Variants in NFASC observed in about 807,000 individuals in gnomAD.
NFASC encodes neurofascin homolog.
A neutral mutation model predicts 147.5 loss-of-function variants in NFASC; 43 were observed. That is an observed-to-expected ratio of 0.29 (90% CI 0.23 to 0.38). NFASC has a LOEUF of 0.38. Ranked by LOEUF, NFASC falls within the 10% of genes least tolerant of loss-of-function variation. The pLI is 1.00. For synonymous variants in NFASC, 622 were observed against 665.5 expected (o/e 0.93, Z 1.01); for missense variants, 1,320 against 1,689.0 (o/e 0.78, Z 3.83).
chr1:205,003,096 A>G (rs1019829390), intron 27 of NFASC, among the ~76,000 whole-genome samples: 6 of 152,168 alleles, frequency 3.9e-5, no homozygotes, highest in African/African-American at 1.4e-4. Flanking sequence ...GCAGGAGAGT[A>G]GTGCAGCCTG....
chr1:204,846,089 G>A (rs1412731884), intron 1 of NFASC, among the ~76,000 whole-genome samples: 8 of 151,358 alleles, frequency 5.3e-5, no homozygotes, highest in Admixed American at 5.3e-4. Flanking sequence ...GGGCGCCGTG[G>A]CTCACACCTG....
At chr1:204,841,178 T>A (rs1430456671) in intron 1 of NFASC, among the ~76,000 whole-genome samples, 2 of 152,244 alleles carry the variant, frequency 1.3e-5, no homozygotes, top group Non-Finnish European at 2.9e-5. Flanking sequence ...CTGTCCTAGA[T>A]GCTTGACTTT....
rs1018378208 is a variant in NFASC, at chr1:204,950,445, G to T, written c.92-112G>T. 5.0e-6 allele frequency: 5 copies of T among 994,322 alleles called. No individual in the cohort carries two copies. In the South Asian group the frequency reaches 6.9e-5, roughly 14 times the overall value. 61.6% of individuals were successfully genotyped at this position (994,322 alleles called of 1,614,324 possible). On this transcript the variant is annotated intron_variant, in intron 3 of 29. Coordinates refer to ENST00000339876, the MANE Select transcript of NFASC (RefSeq NM_001005388.3). ...GCCCTGTGCTCAGCGCCCTCCCCAG[G>T]CACACCCCGCCCACTCCCTGTGTGC...
chr1:204,831,996 A>G (rs920576530), intron 1 of NFASC, among the ~76,000 whole-genome samples: 2 of 152,286 alleles, frequency 1.3e-5, no homozygotes, highest in South Asian at 2.1e-4. Context: ...CTCCACAGCT[A>G]TGAAGAGGGC....
At chr1:204,970,811 C>T in intron 11 of NFASC, 64 bp downstream of exon 11, 1 of 1,599,422 alleles carries the variant, frequency 6.3e-7, no homozygotes, top group Non-Finnish European at 8.6e-7. Context: ...TTCAGATCCC[C>T]ATCACTGTAG....
At chr1:204,977,202 G>A (rs2095425071) in intron 16 of NFASC, 6 of 837,154 alleles carry the variant, frequency 7.2e-6, no homozygotes, top group East Asian at 7.3e-5. Context: ...TTTCCCTCCC[G>A]CTCCATCCCT....
In NFASC at chr1:204,971,458, A is replaced by G. The variant is rs1185078489; in HGVS notation, c.1135+711A>G. 2.6e-5 allele frequency among the ~76,000 whole-genome samples: 4 copies of G among 152,320 alleles called. No individual in the cohort carries two copies. In the South Asian group the frequency reaches 6.2e-4, roughly 24 times the overall value. Reference sequence around the variant, plus strand: ...GGTCAGAGGAAATGTAAACAATGGTATCAACCAAATGGGGAAAAAGTAGAT... The same window carrying G: ...GGTCAGAGGAAATGTAAACAATGGTGTCAACCAAATGGGGAAAAAGTAGAT... On this transcript the variant is annotated intron_variant, in intron 11 of 29. Transcript: ENST00000339876.
Position 205,001,163 on chromosome 1 carries a change from C to T in NFASC, c.3020-7C>T, listed in dbSNP as rs895438503. 1 of 1,571,764 alleles carries T rather than the reference C, an allele frequency of 6.4e-7. No individual in the cohort carries two copies. Among genetic ancestry groups the T allele is most frequent in the Non-Finnish European group, 8.7e-7 (1 of 1,147,374 alleles). ...ATCACTAACCCCTTTTCTAACCCGT[C>T]CACCAGCCCCTGATGAGCAGTCCAT... On this transcript the variant is annotated splice_region_variant and splice_polypyrimidine_tract_variant and intron_variant, in intron 25 of 29. Coordinates refer to ENST00000339876, the MANE Select transcript of NFASC (RefSeq NM_001005388.3).
chr1:204,997,418 C>G lies in NFASC; in HGVS notation c.3019+12C>G, dbSNP rs368793028. ...GATACACGAATCCGGTACTGCGCAT[C>G]GCCCATGCTCCCCATCCCCTCCTGG... On this transcript the variant is annotated intron_variant, in intron 25 of 29. Coordinates refer to ENST00000339876, the MANE Select transcript of NFASC (RefSeq NM_001005388.3). 2 of 1,551,652 alleles carry G rather than the reference C, an allele frequency of 1.3e-6. No homozygotes were observed. Among genetic ancestry groups the G allele is most frequent in the African/African-American group, 1.4e-5 (1 of 73,026 alleles).
At chr1:204,984,065 A>G in intron 21 of NFASC, 1 of 1,614,204 alleles carries the variant, frequency 6.2e-7, no homozygotes, top group Non-Finnish European at 8.5e-7. Context: ...AGTCCGAGTC[A>G]TGAACAGCAC....
intron 15 of NFASC, among the ~76,000 whole-genome samples, chr1:204,976,260 G>A (rs931357760): frequency 6.6e-6 from 1 of 152,174 alleles, no homozygotes; most frequent in Non-Finnish European, 1.5e-5. Context: ...CTGAGCATGG[G>A]TGCAGAGGAG....
intron 1 of NFASC, among the ~76,000 whole-genome samples, chr1:204,848,463 C>T (rs925929278): frequency 6.6e-6 from 1 of 152,230 alleles, no homozygotes; most frequent in South Asian, 2.1e-4. Flanking sequence ...TGGGTTCAAG[C>T]GAACCTCCTG....
At chr1:205,012,276 G>GA (rs1235316775) in intron 28 of NFASC, among the ~76,000 whole-genome samples, 1 of 152,216 alleles carries the variant, frequency 6.6e-6, no homozygotes, top group African/African-American at 2.4e-5. Context: ...TCACAGAGAA[G>GA]AGACACTTTC....
At chr1:204,858,568 A>T (rs1284284625) in intron 1 of NFASC, among the ~76,000 whole-genome samples, 1 of 152,034 alleles carries the variant, frequency 6.6e-6, no homozygotes, top group Non-Finnish European at 1.5e-5. Context: ...TTATTCCTGG[A>T]TACTAGGCAG....
chr1:204,854,825 C>T lies in NFASC; in HGVS notation c.-200+26043C>T, dbSNP rs141675373. 7.6e-4 allele frequency among the ~76,000 whole-genome samples: 116 copies of T among 152,352 alleles called. 1 individual carries two copies. Among genetic ancestry groups the T allele is most frequent in the African/African-American group, 2.6e-3 (110 of 41,584 alleles). On this transcript the variant is annotated intron_variant, in intron 1 of 29. Transcript: ENST00000339876. Reference sequence around the variant, plus strand: ...GTAAGAAGTAGTTTTCCTCTGAGCCCTCTCCTGGCCTCACTCTGGGCTAAT... The same window carrying T: ...GTAAGAAGTAGTTTTCCTCTGAGCCTTCTCCTGGCCTCACTCTGGGCTAAT...
chr1:204,922,266 T>C (rs2090645124), intron 2 of NFASC, among the ~76,000 whole-genome samples: 1 of 152,092 alleles, frequency 6.6e-6, no homozygotes, highest in Admixed American at 6.5e-5. Context: ...CTAGGTAACC[T>C]GACCAGATCC....
Position 204,979,401 on chromosome 1 carries a change from G to A in NFASC, c.2018G>A (p.Gly673Glu). ...TTTGAAGAAGACCAGTTCCAACCTG[G>A]GGTCTGGCATGACCATTCCAAGTAC... Reference protein sequence around the residue: ...VQFEEDQFQPGVWHDHSKYPG... With the variant: ...VQFEEDQFQPEVWHDHSKYPG... Residue 673 changes from glycine to glutamate, a missense_variant, in exon 19 of 30, where the codon GGG becomes GAG. Coordinates refer to ENST00000339876, the MANE Select transcript of NFASC (RefSeq NM_001005388.3). The surrounding 1 kb of genome is among the most constrained non-coding windows in gnomAD (Gnocchi z 6.0). The A allele has an allele frequency of 1.2e-6, 2 of 1,614,140 alleles. No homozygotes were observed. Among genetic ancestry groups the A allele is most frequent in the Admixed American group, 1.7e-5 (1 of 60,026 alleles).
chr1:204,940,203 A>C (rs2093261552), intron 2 of NFASC, among the ~76,000 whole-genome samples: 1 of 152,178 alleles, frequency 6.6e-6, no homozygotes, highest in Non-Finnish European at 1.5e-5. Context: ...CTATAATCCC[A>C]ACACTTTGGG....
chr1:205,004,061 G>A lies in NFASC; in HGVS notation c.3289+1313G>A, dbSNP rs553573913. Among the ~76,000 whole-genome samples, 3 of 152,380 alleles carry A rather than the reference G, an allele frequency of 2.0e-5. No homozygotes were observed. The South Asian group carries it at 6.2e-4, about 32-fold the overall frequency. ...GACAGTGGACTGAGCAGAGCAAGTG[G>A]CTGGACTCTGTCTAGCTCAGATGAG... On this transcript the variant is annotated intron_variant, in intron 27 of 29. Coordinates refer to ENST00000339876, the MANE Select transcript of NFASC (RefSeq NM_001005388.3).
Sources: gnomAD v4.1 joint callset for allele counts (sites outside exome capture counted in the v4.1 genomes callset) on GRCh38, gnomAD v4.1.1 for gene constraint, Gnocchi (gnomAD v3.1) non-coding constraint, MANE v1.5 for transcripts, NCBI Gene and HGNC (gene_info 2026-07-23, HGNC 2026-07-21) for gene names.